Variants in TTI2 observed in about 807,000 individuals in gnomAD.
TTI2 encodes the protein TELO2 interacting protein 2, also known as TELO2-interacting protein 2.
In TTI2, 26 loss-of-function variants were observed where a neutral mutation model predicts 44.9. The ratio of observed to expected loss-of-function variants is 0.58; its 90% CI spans 0.42 to 0.80. The LOEUF is 0.80. Among genes scored for constraint, TTI2 ranks in the 30% least tolerant of loss-of-function variants. The probability of loss-of-function intolerance (pLI) is 0.00; values close to 1 mark genes in which losing one functional copy is unlikely to be tolerated. For synonymous variants in TTI2, 254 were observed against 250.9 expected (o/e 1.01, Z -0.12); for missense variants, 582 against 611.6 (o/e 0.95, Z 0.51).
rs756066215 is a variant in TTI2, at chr8:33,509,823, A to G, written c.757T>C (p.Leu253=). The change falls in exon 3 of 8, where the codon TTG becomes CTG. Residue 253 remains leucine, a synonymous_variant. Transcript: ENST00000431156. ...QHLERVLPAS[L]VISDDYQTEN... ...GTCTGATAGTCATCTGAAATGACCA[A>G]TGATGCGGGAAGTACCCTTTCCAGA... is the stretch of plus-strand genomic sequence containing the variant. 14 of 1,614,042 alleles carry G rather than the reference A, an allele frequency of 8.7e-6. No homozygotes were observed. The highest frequency in any genetic ancestry group is 1.7e-5 in the Admixed American group (1 of 59,988).
At chr8:33,503,983 T>G in intron 4 of TTI2, 48 bp from the exon 5 acceptor site, 1 of 1,590,476 alleles carries the variant, frequency 6.3e-7, no homozygotes, top group Non-Finnish European at 8.6e-7. Context: ...CCATTTGCAT[T>G]TACAATACTC....
At position 33,509,861 on chromosome 8, in the gene TTI2, C is replaced by T. The variant is rs1241428255; in HGVS notation, c.719G>A (p.Trp240Ter). 4 of 1,613,790 alleles carry T rather than the reference C, an allele frequency of 2.5e-6. No individual in the cohort carries two copies. Among genetic ancestry groups the T allele is most frequent in the Non-Finnish European group, 2.5e-6 (3 of 1,179,994 alleles). ...SWTLQQVTRP[W>*]LSQHLERVLP... ...TACCCTTTCCAGATGCTGGCTCAGCCAGGGCCGAGTGACCTGTTGCAGAGT... is the reference window on the plus strand; with the variant it reads ...TACCCTTTCCAGATGCTGGCTCAGCTAGGGCCGAGTGACCTGTTGCAGAGT... Residue 240 changes from tryptophan to a stop codon, truncating the protein, a stop_gained, in exon 3 of 8, where the codon TGG (tryptophan) becomes TAG (stop). Transcript: ENST00000431156. LOFTEE classifies it high-confidence loss of function.
rs767068343 is a variant in TTI2, at chr8:33,503,756, G to A, written c.1107C>T (p.Phe369=). 25 of 1,613,470 alleles carry A rather than the reference G, an allele frequency of 1.5e-5. No homozygotes were observed. In the African/African-American group the frequency reaches 2.3e-4, roughly 15 times the overall value. The part of the protein sequence containing the change: ...RRTYARNLPA[F]VNRLGILTVR... ...AAAGCCCAGGGCCTCACCTGTTCAC[G>A]AAAGCCGGCAGGTTTCTTGCGTAGG... The change falls in exon 5 of 8, where the codon TTC becomes TTT. Residue 369 remains phenylalanine, a synonymous_variant. Transcript: ENST00000431156.
intron 3 of TTI2, 73 bp downstream of exon 3, chr8:33,509,673 C>T: frequency 6.9e-7 from 1 of 1,442,000 alleles, no homozygotes; most frequent in African/African-American, 1.4e-5. Flanking sequence ...CTTAGCATTA[C>T]TAGAAATGAA....
At chr8:33,502,777 G>C (rs7462013) in intron 6 of TTI2, among the ~76,000 whole-genome samples, 2 of 152,122 alleles carry the variant, frequency 1.3e-5, no homozygotes, top group African/African-American at 4.8e-5. Flanking sequence ...AGTGAGCTGA[G>C]ATCGCGCCAT....
At chr8:33,511,912 A>G in intron 2 of TTI2, 55 bp downstream of exon 2, 1 of 1,565,064 alleles carries the variant, frequency 6.4e-7, no homozygotes, top group African/African-American at 1.4e-5. Context: ...ATAATAAAAA[A>G]TAAAAATAAA....
intron 3 of TTI2, among the ~76,000 whole-genome samples, chr8:33,507,928 G>A (rs1809358100): frequency 6.7e-6 from 1 of 149,004 alleles, no homozygotes. Flanking sequence ...GGTTGAGGCT[G>A]CAGTGAGCTA....
intron 3 of TTI2, 59 bp downstream of exon 3, chr8:33,509,687 C>G: frequency 1.3e-6 from 2 of 1,505,514 alleles, no homozygotes; most frequent in Non-Finnish European, 1.8e-6. Flanking sequence ...AAATGAAGAA[C>G]AGCCAGGAAT....
chr8:33,512,658 G>A lies in TTI2; in HGVS notation c.-45C>T, dbSNP rs1233924205. On this transcript the variant is annotated 5_prime_UTR_variant, in exon 2 of 8. Coordinates refer to ENST00000431156, the MANE Select transcript of TTI2 (RefSeq NM_001102401.4). ...AGGCTGGTCTCTCCCACAGAACGAG[G>A]ATGGAGGCGGGGAGGGATCCGTTGA... 3 of 1,603,832 alleles carry A rather than the reference G, an allele frequency of 1.9e-6. No individual in the cohort carries two copies. In the South Asian group the frequency reaches 3.3e-5, roughly 18 times the overall value.
chr8:33,509,150 AAG>A (rs1554527800), intron 3 of TTI2, among the ~76,000 whole-genome samples: 13 of 134,528 alleles, frequency 9.7e-5, no homozygotes, highest in African/African-American at 8.2e-5. Flanking sequence ...AAAAAAAAAA[AAG>A]AAAGAAAGAA....
Position 33,509,827 on chromosome 8 carries a change from T to C in TTI2, c.753A>G (p.Ala251=), listed in dbSNP as rs374776025. 8.1e-6 allele frequency: 13 copies of C among 1,613,972 alleles called. No individual in the cohort carries two copies. Among genetic ancestry groups the C allele is most frequent in the Non-Finnish European group, 1.1e-5 (13 of 1,180,004 alleles). ...LSQHLERVLP[A]SLVISDDYQT... ...GATAGTCATCTGAAATGACCAATGA[T>C]GCGGGAAGTACCCTTTCCAGATGCT... is the stretch of plus-strand genomic sequence containing the variant. Residue 251 remains alanine, a synonymous_variant, in exon 3 of 8, where the codon GCA becomes GCG. Coordinates refer to ENST00000431156, the MANE Select transcript of TTI2 (RefSeq NM_001102401.4).
chr8:33,512,161 A>G lies in TTI2; in HGVS notation c.453T>C (p.Tyr151=). The change falls in exon 2 of 8, where the codon TAT becomes TAC. Residue 151 remains tyrosine, a synonymous_variant. Coordinates refer to ENST00000431156, the MANE Select transcript of TTI2 (RefSeq NM_001102401.4). ...CCAAGCTGTGTGTGATGGCAAAAAT[A>G]TAAACGGGTCCTGCCAAGTGATGCA... ...TGLHHLAGPV[Y]IFAITHSLEQ... The G allele has an allele frequency of 6.2e-7, 1 of 1,614,198 alleles. No individual in the cohort carries two copies. Among genetic ancestry groups the G allele is most frequent in the Non-Finnish European group, 8.5e-7 (1 of 1,180,038 alleles).
rs1305793026 is a variant in TTI2, at chr8:33,500,379, C to T, written c.1371G>A (p.Glu457=). The T allele has an allele frequency of 6.2e-7, 1 of 1,614,114 alleles. No individual in the cohort carries two copies. The highest frequency in any genetic ancestry group is 8.5e-7 in the Non-Finnish European group (1 of 1,180,010). ...CCAGGAGAATCAGGCAGTCTGTGGC[C>T]TCCTGTAGCAGGGCGCTCTTAACAG... The part of the protein sequence containing the change: ...PESVKSALLQ[E]ATDCLILLDR... Residue 457 remains glutamate, a synonymous_variant, in exon 7 of 8, where the codon GAG becomes GAA. Coordinates refer to ENST00000431156, the MANE Select transcript of TTI2 (RefSeq NM_001102401.4).
intron 7 of TTI2, chr8:33,500,099 ATG>A (rs766434221): frequency 2.0e-6 from 1 of 496,792 alleles, no homozygotes; most frequent in Non-Finnish European, 3.6e-6. Flanking sequence ...CCCCAGTGAC[ATG>A]TGCTGATCCT....
chr8:33,506,361 G>A, intron 4 of TTI2, among the ~76,000 whole-genome samples: 1 of 148,908 alleles, frequency 6.7e-6, no homozygotes, highest in Non-Finnish European at 1.5e-5. Flanking sequence ...GACTTTTTCA[G>A]ACATAAAGCT....
At position 33,512,058 on chromosome 8, in the gene TTI2, C is replaced by A. The variant is rs1185991901; in HGVS notation, c.556G>T (p.Gly186Cys). ...CCATGTAGGAATCCTGCCACAGAAC[C>A]GCATTCAGTAACTTGAAGCAGTGAG... Reference protein sequence around the residue: ...LTSLLQVTECGSVAGFLHGEN... With the variant: ...LTSLLQVTECCSVAGFLHGEN... The change falls in exon 2 of 8, where the codon GGT becomes TGT. Residue 186 changes from glycine (G) to cysteine (C), a missense_variant. Coordinates refer to ENST00000431156, the MANE Select transcript of TTI2 (RefSeq NM_001102401.4). 2 of 1,614,098 alleles carry A rather than the reference C, an allele frequency of 1.2e-6. No homozygotes were observed. Among genetic ancestry groups the A allele is most frequent in the East Asian group, 4.5e-5 (2 of 44,876 alleles).
intron 7 of TTI2, 79 bp from the exon 8 acceptor site, chr8:33,499,356 G>T: frequency 9.8e-7 from 1 of 1,016,726 alleles, no homozygotes. Context: ...CTTCTTCCTT[G>T]GTATCATATT....
chr8:33,503,281 T>A, intron 6 of TTI2, 148 bp downstream of exon 6: 1 of 1,153,548 alleles, frequency 8.7e-7, no homozygotes, highest in East Asian at 2.6e-5. Flanking sequence ...TGCCATTTTC[T>A]CAGTTTAAAA....
At position 33,512,458 on chromosome 8, in the gene TTI2, A is replaced by C; in HGVS notation, c.156T>G (p.Leu52=). ...ARRGNVKDAV[L]KDLGDLIEAT... ...CTTCTATTAGATCACCGAGGTCTTT[A>C]AGAACTGCATCTTTTACATTGCCTC... The change falls in exon 2 of 8, where the codon CTT becomes CTG. Residue 52 remains leucine (L), a synonymous_variant. Transcript: ENST00000431156. 1 of 1,614,104 alleles carries C rather than the reference A, an allele frequency of 6.2e-7. No homozygotes were observed. The highest frequency in any genetic ancestry group is 8.5e-7 in the Non-Finnish European group (1 of 1,179,976).
Sources: gnomAD v4.1 joint callset for allele counts (sites outside exome capture counted in the v4.1 genomes callset) on GRCh38, gnomAD v4.1.1 for gene constraint, MANE v1.5 for transcripts, NCBI Gene and HGNC (gene_info 2026-07-23, HGNC 2026-07-21) for gene names.